The following TMX4 variants were observed in gnomAD, a reference collection of about 807,000 sequenced individuals.
The protein encoded by TMX4 is thioredoxin-related transmembrane protein 4.
In TMX4, 23 loss-of-function variants were observed where a neutral mutation model predicts 33.3. The ratio of observed to expected loss-of-function variants is 0.69; its 90% CI spans 0.50 to 0.98. The LOEUF (loss-of-function observed/expected upper bound fraction) is 0.98, where lower values mean the gene tolerates loss of function less well. Among genes scored for constraint, TMX4 ranks in the 50% least tolerant of loss-of-function variants. The pLI, the probability that TMX4 is intolerant of heterozygous loss-of-function variation, is 0.00. For synonymous variants in TMX4, 164 were observed against 161.5 expected, an observed-to-expected ratio of 1.02 and a Z score of -0.12; for missense variants, 399 against 448.9, an observed-to-expected ratio of 0.89 and a Z score of 1.01.
chr20:8,000,462 T>C (rs2050700664), intron 3 of TMX4, among the ~76,000 whole-genome samples: 1 of 152,128 alleles, frequency 6.6e-6, no homozygotes, highest in Non-Finnish European at 1.5e-5. Context: ...AAGTGCCGTA[T>C]CCATTTCTGT....
rs145658015 is a variant in TMX4, at chr20:7,987,327, G to A, written c.576C>T (p.Phe192=). The change falls in exon 6 of 8, where the codon TTC becomes TTT. Residue 192 remains phenylalanine (F), a synonymous_variant. Transcript: ENST00000246024. The part of the protein sequence containing the change: ...GIPAWCSYVF[F]VIATLVFGLF... ...GGCCAAAAACCAAGGTGGCTATGAC[G>A]AAAAAGACATAAGAACACCAAGCAG... is the stretch of plus-strand genomic sequence containing the variant. 3.4e-4 allele frequency: 535 copies of A among 1,596,354 alleles called. 3 individuals are homozygous for A. The African/African-American group carries it at 3.5e-3, about 10-fold the overall frequency.
rs1216707806 is a variant in TMX4 at position 7,982,317 on chromosome 20, A to C, written c.984T>G (p.Ala328=). 3.1e-6 allele frequency: 5 copies of C among 1,614,092 alleles called. No homozygotes were observed. The South Asian group carries it at 5.5e-5, about 18-fold the overall frequency. Residue 328 remains alanine (A), a synonymous_variant, in exon 8 of 8, where the codon GCT becomes GCG. Coordinates refer to ENST00000246024, the MANE Select transcript of TMX4 (RefSeq NM_021156.4). The stretch of plus-strand genomic sequence containing the variant: ...AGGAGTCTTCCACCACCTCTGTGTC[A>C]GCTGGGCAGGGTTGCTCAGAGATGC... ...EEGISEQPCP[A]DTEVVEDSLR... is the part of the protein sequence containing the mutation.
Position 7,982,076 on chromosome 20 carries a change from G to T in TMX4, c.*175C>A. 1.6e-6 allele frequency: 1 copy of T among 641,188 alleles called. No homozygotes were observed. Among genetic ancestry groups the T allele is most frequent in the Non-Finnish European group, 2.6e-6 (1 of 379,068 alleles). The allele number at this position is 641,188 out of a possible 1,614,324, so 39.7% of individuals were successfully genotyped here. ...TTTCTATATCCTGATTGTCACACCT[G>T]GAAGACTCTCCTTAGTATACATGAG... On this transcript the variant is annotated 3_prime_UTR_variant, in exon 8 of 8. Coordinates refer to ENST00000246024, the MANE Select transcript of TMX4 (RefSeq NM_021156.4).
At chr20:7,996,130 A>T in intron 4 of TMX4, 59 bp from the exon 5 acceptor site, 1 of 1,431,288 alleles carries the variant, frequency 7.0e-7, no homozygotes, top group Non-Finnish European at 9.7e-7. Flanking sequence ...AAAAAATGAA[A>T]ATCAGGTCAG....
chr20:7,982,283 G>A lies in TMX4; in HGVS notation c.1018C>T (p.Arg340Cys), dbSNP rs141986871. Residue 340 changes from arginine to cysteine, a missense_variant, in exon 8 of 8, where the codon CGT becomes TGT. Coordinates refer to ENST00000246024, the MANE Select transcript of TMX4 (RefSeq NM_021156.4). ...TEVVEDSLRQ[R>C]KSQHADKGL The stretch of plus-strand genomic sequence containing the variant: ...CCCTTGTCAGCATGCTGACTTTTAC[G>A]CTGCCTCAAGGAGTCTTCCACCACC... 36 of 1,613,728 alleles carry A rather than the reference G, an allele frequency of 2.2e-5. No individual in the cohort carries two copies. Among genetic ancestry groups the A allele is most frequent in the African/African-American group, 4.0e-5 (3 of 74,854 alleles).
At chr20:8,018,282 G>A (rs1275315184) in intron 1 of TMX4, among the ~76,000 whole-genome samples, 4 of 105,696 alleles carry the variant, frequency 3.8e-5, no homozygotes, top group Non-Finnish European at 5.8e-5. Flanking sequence ...CGGGAGGGGG[G>A]CAGGTAGGGT....
intron 2 of TMX4, among the ~76,000 whole-genome samples, chr20:8,003,151 C>G (rs142368887): frequency 2.0e-5 from 3 of 152,128 alleles, no homozygotes; most frequent in African/African-American, 7.2e-5. Flanking sequence ...ACTTAAAAAA[C>G]TAGTATATGC....
At chr20:8,010,423 A>T in intron 1 of TMX4, 108 bp from the exon 2 acceptor site, 1 of 679,636 alleles carries the variant, frequency 1.5e-6, no homozygotes, top group South Asian at 4.5e-5. Context: ...AAGGGAAATT[A>T]TAAAAGGAGG....
rs559057710 is a variant in TMX4, at chr20:7,995,409, A to G, written c.513+617T>C. Among the ~76,000 whole-genome samples the G allele has an allele frequency of 2.0e-5, 3 of 152,312 alleles. No homozygotes were observed. In the South Asian group the frequency reaches 6.2e-4, roughly 32 times the overall value. On this transcript the variant is annotated intron_variant, in intron 5 of 7. Transcript: ENST00000246024. ...ATAATGGTTCAAAAATTAAACCTGAATAACAGTTCTAACCCACTGAAATGA... is the reference window on the plus strand; with the variant it reads ...ATAATGGTTCAAAAATTAAACCTGAGTAACAGTTCTAACCCACTGAAATGA...
Position 7,983,800 on chromosome 20 carries a change from G to A in TMX4, c.673C>T (p.Arg225Cys), listed in dbSNP as rs188225906. Residue 225 changes from arginine (R) to cysteine (C), a missense_variant, in exon 7 of 8, where the codon CGT (arginine) becomes TGT (cysteine). Coordinates refer to ENST00000246024, the MANE Select transcript of TMX4 (RefSeq NM_021156.4). The part of the protein sequence containing the change: ...YVPLPRHLSE[R>C]SEQNRRSEEA... Reference sequence around the variant, plus strand: ...AGGAGCTTATCGTACTTACCAGAACGCTCAGATAAATGCCTTGGAAGTGGC... The same window carrying A: ...AGGAGCTTATCGTACTTACCAGAACACTCAGATAAATGCCTTGGAAGTGGC... 1.1e-5 allele frequency: 17 copies of A among 1,612,762 alleles called. No individual in the cohort carries two copies. The highest frequency in any genetic ancestry group is 2.2e-5 in the South Asian group (2 of 90,972).
intron 2 of TMX4, among the ~76,000 whole-genome samples, chr20:8,002,935 T>C (rs1257536740): frequency 2.0e-5 from 3 of 152,186 alleles, no homozygotes; most frequent in African/African-American, 2.4e-5. Context: ...AAATTTGTCA[T>C]TGTACATTGG....
intron 5 of TMX4, among the ~76,000 whole-genome samples, chr20:7,991,234 T>C (rs917765778): frequency 3.3e-5 from 5 of 152,190 alleles, no homozygotes; most frequent in Admixed American, 1.3e-4. Context: ...TATGCCTACA[T>C]CCTCTCAAAA....
chr20:7,982,702 T>G, intron 7 of TMX4, 81 bp from the exon 8 acceptor site: 2 of 1,437,242 alleles, frequency 1.4e-6, no homozygotes, highest in South Asian at 2.8e-5. Flanking sequence ...AGCTGTGAAA[T>G]AAAAATAGAG....
At chr20:7,997,631 T>C (rs2050682300) in intron 4 of TMX4, among the ~76,000 whole-genome samples, 1 of 152,154 alleles carries the variant, frequency 6.6e-6, no homozygotes, top group South Asian at 2.1e-4. Flanking sequence ...TTTATACACC[T>C]GACCCCAGCC....
intron 5 of TMX4, among the ~76,000 whole-genome samples, chr20:7,994,290 T>A (rs535126504): frequency 6.6e-6 from 1 of 152,196 alleles, no homozygotes; most frequent in Non-Finnish European, 1.5e-5. Flanking sequence ...TATTCAGACA[T>A]GGATCACATT....
rs114720871 is a variant in TMX4, at chr20:8,014,128, G to A, written c.177-3813C>T. 9.4e-3 allele frequency among the ~76,000 whole-genome samples: 1,434 copies of A among 152,292 alleles called. 30 individuals are homozygous for A. The highest frequency in any genetic ancestry group is 0.033 in the African/African-American group (1,370 of 41,560). On this transcript the variant is annotated intron_variant, in intron 1 of 7. Coordinates refer to ENST00000246024, the MANE Select transcript of TMX4 (RefSeq NM_021156.4). ...TTCTTTGGACAATAATTTCTAGAAC[G>A]TGTTATCACAAAAGGTAGAGGAAAC... is the stretch of plus-strand genomic sequence containing the variant.
At chr20:7,988,459 T>G (rs1316874972) in intron 5 of TMX4, among the ~76,000 whole-genome samples, 1 of 152,240 alleles carries the variant, frequency 6.6e-6, no homozygotes, top group Non-Finnish European at 1.5e-5. Flanking sequence ...AGAACAAAGC[T>G]TGTAAACTGA....
chr20:7,994,617 C>G lies in TMX4; in HGVS notation c.513+1409G>C, dbSNP rs1005392395. On this transcript the variant is annotated intron_variant, in intron 5 of 7. Coordinates refer to ENST00000246024, the MANE Select transcript of TMX4 (RefSeq NM_021156.4). ...GCCATAATCAGCTTCCATCTAAGCT[C>G]TTCTTAACCTGCAGAACAAATTCTA... Among the ~76,000 whole-genome samples the G allele has an allele frequency of 3.9e-5, 6 of 152,188 alleles. No homozygotes were observed. The South Asian group carries it at 6.2e-4, about 16-fold the overall frequency.
intron 2 of TMX4, among the ~76,000 whole-genome samples, chr20:8,007,304 A>T (rs1429476168): frequency 6.6e-6 from 1 of 152,058 alleles, no homozygotes; most frequent in Non-Finnish European, 1.5e-5. Flanking sequence ...CCCATCTGGC[A>T]ACCAATCCAT....
Sources: gnomAD v4.1 joint callset for allele counts (sites outside exome capture counted in the v4.1 genomes callset) on GRCh38, gnomAD v4.1.1 for gene constraint, MANE v1.5 for transcripts, NCBI Gene and HGNC (gene_info 2026-07-23, HGNC 2026-07-21) for gene names.